The following DLST variants were observed in gnomAD, a reference collection of about 807,000 sequenced individuals.
DLST encodes dihydrolipoyllysine-residue succinyltransferase component of 2-oxoglutarate dehydrogenase complex, mitochondrial.
A neutral mutation model predicts 53.1 loss-of-function variants in DLST; 17 were observed. The ratio of observed to expected loss-of-function variants is 0.32; its 90% CI spans 0.22 to 0.48. The LOEUF (loss-of-function observed/expected upper bound fraction) is 0.48. Among genes scored for constraint, DLST ranks in the 20% least tolerant of loss-of-function variants. DLST has a pLI of 0.99. For missense variants in DLST, 512 were observed against 583.9 expected (o/e 0.88, Z 1.27); for synonymous variants, 206 against 204.8 (o/e 1.01, Z -0.05).
chr14:74,897,831 C>CT (rs1884117277), intron 10 of DLST, among the ~76,000 whole-genome samples: 1 of 152,118 alleles, frequency 6.6e-6, no homozygotes, highest in Non-Finnish European at 1.5e-5. Context: ...GTCATGACTG[C>CT]TTTTTCCCGC....
In DLST at chr14:74,889,365, C is replaced by CAA; in HGVS notation, c.274+16_274+17insAA. 2 of 1,425,986 alleles carry CAA rather than the reference C, an allele frequency of 1.4e-6. No homozygotes were observed. The highest frequency in any genetic ancestry group is 1.9e-6 in the Non-Finnish European group (2 of 1,056,944). 88.3% of individuals were successfully genotyped at this position (1,425,986 alleles called of 1,614,324 possible). ...TGGGAGAAAGGTAAGATTTAGTTTC[C>CAA]TATTTTTTTTTTTTTTTTTTTTGAG... On this transcript the variant is annotated intron_variant, in intron 5 of 14. Coordinates refer to ENST00000334220, the MANE Select transcript of DLST (RefSeq NM_001933.5).
chr14:74,890,986 G>T, intron 6 of DLST, 70 bp from the exon 7 acceptor site: 1 of 1,549,848 alleles, frequency 6.5e-7, no homozygotes, highest in Non-Finnish European at 8.7e-7. Flanking sequence ...CTTCATTGGA[G>T]ATTCTATACA....
intron 10 of DLST, among the ~76,000 whole-genome samples, chr14:74,897,648 A>G (rs993167744): frequency 6.6e-6 from 1 of 152,246 alleles, no homozygotes; most frequent in Admixed American, 6.5e-5. Context: ...GGCAAGAACT[A>G]TGTCTTAATT....
intron 4 of DLST, 30 bp from the exon 5 acceptor site, chr14:74,889,245 T>C: frequency 6.2e-7 from 1 of 1,609,232 alleles, no homozygotes; most frequent in East Asian, 2.2e-5. Flanking sequence ...AATGAACTAC[T>C]TATGATTTTC....
rs1884338696 is a variant in DLST at position 74,903,360 on chromosome 14, C to G, written c.*1030C>G. ...GTCTCTTCCTCTGCAGGACACAGATCTGGAGGACGTGGACTGGGGTAGGAA... is the reference window on the plus strand; with the variant it reads ...GTCTCTTCCTCTGCAGGACACAGATGTGGAGGACGTGGACTGGGGTAGGAA... On this transcript the variant is annotated 3_prime_UTR_variant, in exon 15 of 15. Transcript: ENST00000334220. 1 of 152,434 alleles carries G rather than the reference C, an allele frequency of 6.6e-6. No individual in the cohort carries two copies. The highest frequency in any genetic ancestry group is 1.5e-5 in the Non-Finnish European group (1 of 68,086). 9.4% of individuals were successfully genotyped at this position (152,434 alleles called of 1,614,324 possible).
At position 74,882,595 on chromosome 14, in the gene DLST, A is replaced by G. The variant is rs1883563813; in HGVS notation, c.68A>G (p.Asn23Ser). The G allele has an allele frequency of 6.2e-7, 1 of 1,613,818 alleles. No homozygotes were observed. The highest frequency in any genetic ancestry group is 8.5e-7 in the Non-Finnish European group (1 of 1,179,936). Residue 23 changes from asparagine to serine, a missense_variant, in exon 2 of 15, where the codon AAC becomes AGC. Asn to Ser is a conservative substitution (Grantham distance 46). This residue lies in a region of DLST where 129 missense variants were observed against 90.9 expected (regional missense o/e 1.42). Transcript: ENST00000334220. ...SRSLSAFQKG[N>S]CPLGRRSLPG... ...TAATGTCTTCTTTCTCAACAGGGGA[A>G]CTGCCCTCTAGGGAGACGTTCCCTG... is the stretch of plus-strand genomic sequence containing the variant.
rs145358760 is a variant in DLST, at chr14:74,893,984, C to T, written c.673-328C>T. The stretch of plus-strand genomic sequence containing the variant: ...TGCAAATCTTTATCAACAGAAAGTG[C>T]CCTTTTTCTTATGATTCTTATGTTG... On this transcript the variant is annotated intron_variant, in intron 9 of 14. Transcript: ENST00000334220. Among the ~76,000 whole-genome samples, 9 of 152,284 alleles carry T rather than the reference C, an allele frequency of 5.9e-5. No homozygotes were observed. The East Asian group carries it at 1.7e-3, about 29-fold the overall frequency.
chr14:74,883,108 C>T (rs1038987451), intron 2 of DLST, among the ~76,000 whole-genome samples: 1 of 152,076 alleles, frequency 6.6e-6, no homozygotes, highest in Admixed American at 6.5e-5. Flanking sequence ...TCCTGGTTAA[C>T]ACGGTGAAAC....
At chr14:74,889,815 A>C (rs907925280) in intron 5 of DLST, 82 bp from the exon 6 acceptor site, 24 of 1,416,022 alleles carry the variant, frequency 1.7e-5, no homozygotes, top group Non-Finnish European at 2.3e-5. Context: ...GGTTCTTATA[A>C]CATACCTGCC....
intron 2 of DLST, among the ~76,000 whole-genome samples, chr14:74,884,292 C>T (rs116547610): frequency 0.02 from 3,103 of 152,164 alleles, 100 homozygotes; most frequent in African/African-American, 0.071. Context: ...AACATAAAGC[C>T]CCTAGCACAA....
At chr14:74,898,574 G>A in intron 11 of DLST, 75 bp downstream of exon 11, 1 of 1,520,184 alleles carries the variant, frequency 6.6e-7, no homozygotes, top group Non-Finnish European at 8.8e-7. Context: ...CCCACATGCA[G>A]AGGATCAACA....
intron 10 of DLST, among the ~76,000 whole-genome samples, chr14:74,895,571 CAT>C (rs1047272829): frequency 3.9e-5 from 6 of 152,140 alleles, no homozygotes; most frequent in African/African-American, 1.4e-4. Context: ...GCCTGGGCAA[CAT>C]AGCAAGACTG....
rs1566790570 is a variant in DLST at position 74,889,290 on chromosome 14, C to T, written c.215C>T (p.Thr72Ile). 3 of 1,612,004 alleles carry T rather than the reference C, an allele frequency of 1.9e-6. No homozygotes were observed. The highest frequency in any genetic ancestry group is 2.5e-6 in the Non-Finnish European group (3 of 1,179,766). ...TTTTTCCTAGAGGATGACTTGGTTACAGTCAAAACCCCAGCGTTTGCAGAA... is the reference window on the plus strand; with the variant it reads ...TTTTTCCTAGAGGATGACTTGGTTATAGTCAAAACCCCAGCGTTTGCAGAA... The part of the protein sequence containing the change: ...TTAVCKDDLV[T>I]VKTPAFAESV... The change falls in exon 5 of 15, where the codon ACA becomes ATA. Residue 72 changes from threonine (T) to isoleucine (I), a missense_variant. Transcript: ENST00000334220.
chr14:74,888,921 T>TG, intron 3 of DLST, 174 bp from the exon 4 acceptor site: 1 of 649,136 alleles, frequency 1.5e-6, no homozygotes, highest in Non-Finnish European at 2.7e-6. Context: ...TCAGAATCCC[T>TG]GGGGGAGAGG....
chr14:74,886,234 G>A (rs1489059228), intron 3 of DLST, among the ~76,000 whole-genome samples: 1 of 152,244 alleles, frequency 6.6e-6, no homozygotes, highest in African/African-American at 2.4e-5. Flanking sequence ...AACCTGTTCA[G>A]CAGCTGTCAG....
chr14:74,894,033 C>G (rs1412813503), intron 9 of DLST, among the ~76,000 whole-genome samples: 1 of 152,188 alleles, frequency 6.6e-6, no homozygotes, highest in Admixed American at 6.5e-5. Context: ...ACACTACATT[C>G]TTTTATAAAT....
intron 3 of DLST, 94 bp from the exon 4 acceptor site, chr14:74,889,001 C>G: frequency 7.7e-7 from 1 of 1,291,718 alleles, no homozygotes; most frequent in Non-Finnish European, 1.1e-6. Flanking sequence ...TCAAGAGTCA[C>G]TGTTTAAGGG....
rs775546191 is a variant in DLST at position 74,894,443 on chromosome 14, C to G, written c.770+34C>G. On this transcript the variant is annotated intron_variant, in intron 10 of 14. Transcript: ENST00000334220. ...TCTAGTCCCTCTTATCCCCTAGGCC[C>G]CTTTTTCTTAGAGAACACGAACTTG... 4.4e-6 allele frequency: 7 copies of G among 1,601,922 alleles called. No individual in the cohort carries two copies. In the South Asian group the frequency reaches 4.5e-5, roughly 10 times the overall value.
At position 74,885,595 on chromosome 14, in the gene DLST, T is replaced by C; in HGVS notation, c.107T>C (p.Leu36Ser). 1 of 1,614,122 alleles carries C rather than the reference T, an allele frequency of 6.2e-7. No individual in the cohort carries two copies. The highest frequency in any genetic ancestry group is 8.5e-7 in the Non-Finnish European group (1 of 1,180,000). Reference sequence around the variant, plus strand: ...ATTTTGTTTCTTGCAGGGGTCTCCTTATGCCAGGGACCAGGTTACCCTAAC... The same window carrying C: ...ATTTTGTTTCTTGCAGGGGTCTCCTCATGCCAGGGACCAGGTTACCCTAAC... The part of the protein sequence containing the change: ...LGRRSLPGVS[L>S]CQGPGYPNSR... The change falls in exon 3 of 15, where the codon TTA (leucine) becomes TCA (serine). Residue 36 changes from leucine to serine, a missense_variant. Coordinates refer to ENST00000334220, the MANE Select transcript of DLST (RefSeq NM_001933.5).
Sources: allele counts gnomAD v4.1 joint callset (sites outside exome capture counted in the v4.1 genomes callset), GRCh38; gene constraint gnomAD v4.1.1; regional missense constraint gnomAD v4.1.1; transcripts MANE v1.5; gene names NCBI Gene and HGNC (gene_info 2026-07-23, HGNC 2026-07-21).